Variants in UNC5B observed in about 807,000 individuals in gnomAD.
UNC5B encodes netrin receptor UNC5B.
A neutral mutation model predicts 103.7 loss-of-function variants in UNC5B; 56 were observed. That is an observed-to-expected ratio of 0.54 (90% CI 0.44 to 0.67). UNC5B has a LOEUF of 0.67. Among genes scored for constraint, UNC5B ranks in the 30% least tolerant of loss-of-function variants. The pLI, the probability that UNC5B is intolerant of heterozygous loss-of-function variation, is 0.00. For synonymous variants in UNC5B, 577 were observed against 542.0 expected (o/e 1.06, Z -0.90); for missense variants, 1,194 against 1,284.5 (o/e 0.93, Z 1.08).
At chr10:71,236,814 G>C (rs1333616759) in intron 1 of UNC5B, among the ~76,000 whole-genome samples, 4 of 152,250 alleles carry the variant, frequency 2.6e-5, no homozygotes, top group African/African-American at 9.6e-5. Context: ...CTGGTCCTGA[G>C]AGCAGTGAAC....
At chr10:71,266,113 C>CA (rs2132285763) in intron 1 of UNC5B, among the ~76,000 whole-genome samples, 1 of 152,240 alleles carries the variant, frequency 6.6e-6, no homozygotes, top group Admixed American at 6.5e-5. Flanking sequence ...TATCCCTCCT[C>CA]AAGAAATCCC....
At position 71,286,880 on chromosome 10, in the gene UNC5B, T is replaced by A; in HGVS notation, c.733+11T>A. On this transcript the variant is annotated intron_variant, in intron 5 of 16. Transcript: ENST00000335350. ...CCGTCATCGTCTACGGTGCGGGCCT[T>A]TCGGAGTGGGAGGGGCAGACACGGC... 5.6e-6 allele frequency: 9 copies of A among 1,611,394 alleles called. No homozygotes were observed. The highest frequency in any genetic ancestry group is 5.9e-6 in the Non-Finnish European group (7 of 1,178,054).
chr10:71,269,241 C>CTT, intron 1 of UNC5B, among the ~76,000 whole-genome samples: 2 of 148,576 alleles, frequency 1.3e-5, no homozygotes, highest in East Asian at 3.9e-4. Context: ...TTATTTTCAT[C>CTT]TTTTTTTTTT....
chr10:71,236,421 G>A (rs912620422), intron 1 of UNC5B, among the ~76,000 whole-genome samples: 1 of 152,182 alleles, frequency 6.6e-6, no homozygotes, highest in Admixed American at 6.5e-5. Flanking sequence ...TGGCTTCCTG[G>A]CCCTGGAGCC....
At chr10:71,290,864 C>T (rs568840075) in intron 8 of UNC5B, 51 bp from the exon 9 acceptor site, 2 of 1,556,218 alleles carry the variant, frequency 1.3e-6, no homozygotes, top group East Asian at 2.3e-5. Context: ...TCCCTGATTG[C>T]CCCAGGGCCT....
At position 71,297,905 on chromosome 10, in the gene UNC5B, G is replaced by A; in HGVS notation, c.2491-4G>A. 1 of 1,610,076 alleles carries A rather than the reference G, an allele frequency of 6.2e-7. No homozygotes were observed. The highest frequency in any genetic ancestry group is 8.5e-7 in the Non-Finnish European group (1 of 1,178,312). ...CCTCTCACTCTTGGCCCCCACCCTT[G>A]CAGACACCTGCTGGCTCCCTGGACA... On this transcript the variant is annotated splice_region_variant and splice_polypyrimidine_tract_variant and intron_variant, in intron 15 of 16. Transcript: ENST00000335350.
intron 1 of UNC5B, among the ~76,000 whole-genome samples, chr10:71,230,655 G>C (rs149479345): frequency 4.6e-4 from 70 of 152,366 alleles, no homozygotes; most frequent in African/African-American, 1.6e-3. Context: ...TGGGTGGACA[G>C]CTGGGACCAG....
intron 1 of UNC5B, among the ~76,000 whole-genome samples, chr10:71,240,309 A>G (rs774864196): frequency 2.0e-5 from 3 of 152,244 alleles, no homozygotes; most frequent in Non-Finnish European, 4.4e-5. Flanking sequence ...GGCCCAGGCC[A>G]GCCACTCACC....
At chr10:71,285,249 C>G in intron 3 of UNC5B, 77 bp from the exon 4 acceptor site, 2 of 1,414,394 alleles carry the variant, frequency 1.4e-6, no homozygotes, top group Non-Finnish European at 2.0e-6. Flanking sequence ...CACTGCCACC[C>G]AGTGGCTACA....
chr10:71,287,201 T>C (rs1845111132), intron 5 of UNC5B, among the ~76,000 whole-genome samples: 1 of 152,226 alleles, frequency 6.6e-6, no homozygotes, highest in African/African-American at 2.4e-5. Flanking sequence ...TATTCTCTGC[T>C]GCCCCCTTGG....
At chr10:71,254,896 A>G (rs922843099) in intron 1 of UNC5B, among the ~76,000 whole-genome samples, 1 of 152,196 alleles carries the variant, frequency 6.6e-6, no homozygotes, top group African/African-American at 2.4e-5. Flanking sequence ...AGTCCAGATA[A>G]TGTTGCCATA....
chr10:71,229,088 G>C (rs1490355036), intron 1 of UNC5B, among the ~76,000 whole-genome samples: 2 of 152,204 alleles, frequency 1.3e-5, no homozygotes, highest in Non-Finnish European at 2.9e-5. Context: ...CGAACTTGGA[G>C]CTGCTTTATA....
chr10:71,297,825 T>C, intron 15 of UNC5B, 84 bp from the exon 16 acceptor site: 1 of 1,426,446 alleles, frequency 7.0e-7, no homozygotes, highest in Non-Finnish European at 9.5e-7. Context: ...CAAGGCTCAA[T>C]GAGCTCACAG....
At chr10:71,215,682 C>T (rs1843314336) in intron 1 of UNC5B, among the ~76,000 whole-genome samples, 1 of 152,190 alleles carries the variant, frequency 6.6e-6, no homozygotes, top group African/African-American at 2.4e-5. Flanking sequence ...TCAGCCCTTC[C>T]TGGAGCTTTT....
intron 4 of UNC5B, among the ~76,000 whole-genome samples, chr10:71,286,026 C>A (rs1845069922): frequency 6.6e-6 from 1 of 152,234 alleles, no homozygotes; most frequent in African/African-American, 2.4e-5. Flanking sequence ...ATCATTCAGC[C>A]TCTCCCAGCC....
chr10:71,273,741 C>T lies in UNC5B; in HGVS notation c.80-6080C>T, dbSNP rs562444735. ...CGGGCGCCCTGTTGCCCATGGGGGA[C>T]ACCAGGAAGAACATAGTGTGTTCCC... On this transcript the variant is annotated intron_variant, in intron 1 of 16. Transcript: ENST00000335350. Among the ~76,000 whole-genome samples, 23 of 152,320 alleles carry T rather than the reference C, an allele frequency of 1.5e-4. No homozygotes were observed. In the South Asian group the frequency reaches 4.4e-3, roughly 29 times the overall value.
At chr10:71,233,060 A>G (rs1433107411) in intron 1 of UNC5B, among the ~76,000 whole-genome samples, 2 of 152,162 alleles carry the variant, frequency 1.3e-5, no homozygotes, top group African/African-American at 4.8e-5. Context: ...CAGTATTTCT[A>G]CTTCCACAGC....
At chr10:71,242,415 T>A (rs925368538) in intron 1 of UNC5B, among the ~76,000 whole-genome samples, 18 of 152,218 alleles carry the variant, frequency 1.2e-4, no homozygotes, top group African/African-American at 4.1e-4. Flanking sequence ...GAGGAGAGCC[T>A]GGCGTGGGCT....
chr10:71,296,001 G>T, intron 14 of UNC5B, 41 bp downstream of exon 14: 1 of 1,611,022 alleles, frequency 6.2e-7, no homozygotes, highest in South Asian at 1.1e-5. Context: ...CACCACTTAA[G>T]GGCTGCCCGG....
Sources: allele counts gnomAD v4.1 joint callset (sites outside exome capture counted in the v4.1 genomes callset), GRCh38; gene constraint gnomAD v4.1.1; transcripts MANE v1.5; gene names NCBI Gene and HGNC (gene_info 2026-07-23, HGNC 2026-07-21).